SEMA5A: variants seen among roughly 807,000 people sequenced by gnomAD.
The protein encoded by SEMA5A is semaphorin 5A, also known as semaphorin-5A.
A neutral mutation model predicts 135.5 loss-of-function variants in SEMA5A; 55 were observed. The ratio of observed to expected loss-of-function variants is 0.41; its 90% confidence interval spans 0.33 to 0.51. SEMA5A has a LOEUF of 0.51. Among genes scored for constraint, SEMA5A ranks in the 20% least tolerant of loss-of-function variants. The pLI is 0.37. For synonymous variants in SEMA5A, 580 were observed against 546.5 expected (o/e 1.06, Z -0.85); for missense variants, 1,290 against 1,419.9 (o/e 0.91, Z 1.47).
chr5:9,380,928 A>G (rs1755573362), intron 2 of SEMA5A, among the ~76,000 whole-genome samples: 1 of 151,546 alleles, frequency 6.6e-6, no homozygotes, highest in African/African-American at 2.4e-5. Flanking sequence ...TTCTGGAAGG[A>G]CGTTCCGTCC....
chr5:9,079,896 A>G (rs1738277573), intron 16 of SEMA5A, among the ~76,000 whole-genome samples: 1 of 152,188 alleles, frequency 6.6e-6, no homozygotes, highest in South Asian at 2.1e-4. Context: ...GTCAGGAAAC[A>G]ACAGATGCTA....
At chr5:9,506,865 A>G (rs1172440975) in intron 1 of SEMA5A, among the ~76,000 whole-genome samples, 4 of 152,154 alleles carry the variant, frequency 2.6e-5, no homozygotes, top group Non-Finnish European at 5.9e-5. Flanking sequence ...TGTGTTTCCT[A>G]CAGGGAGCTC....
intron 1 of SEMA5A, among the ~76,000 whole-genome samples, chr5:9,449,883 T>A (rs572714477): frequency 6.6e-6 from 1 of 152,322 alleles, no homozygotes; most frequent in African/African-American, 2.4e-5. Flanking sequence ...GCTCTAGGCC[T>A]ACCTTGATCC....
At position 9,361,125 on chromosome 5, in the gene SEMA5A, G is replaced by A. The variant is rs372537738; in HGVS notation, c.124+18698C>T. Among the ~76,000 whole-genome samples the A allele has an allele frequency of 1.3e-4, 20 of 151,940 alleles. No homozygotes were observed. In the East Asian group the frequency reaches 1.6e-3, roughly 12 times the overall value. ...ACCAGCCTGGCCAACATGGTAAAACGCTGTCTCTACTAAAAATACGAAAAT... is the reference window on the plus strand; with the variant it reads ...ACCAGCCTGGCCAACATGGTAAAACACTGTCTCTACTAAAAATACGAAAAT... On this transcript the variant is annotated intron_variant, in intron 3 of 22. Transcript: ENST00000382496.
At position 9,487,146 on chromosome 5, in the gene SEMA5A, T is replaced by C. The variant is rs999439699; in HGVS notation, c.-174-49294A>G. Reference sequence around the variant, plus strand: ...GTAAGTACAAGAACCAATAAAACTTTCATTTAAGCCTAAGTAACTGTTAAT... The same window carrying C: ...GTAAGTACAAGAACCAATAAAACTTCCATTTAAGCCTAAGTAACTGTTAAT... On this transcript the variant is annotated intron_variant, in intron 1 of 22. Coordinates refer to ENST00000382496, the MANE Select transcript of SEMA5A (RefSeq NM_003966.3). 5.9e-5 allele frequency among the ~76,000 whole-genome samples: 9 copies of C among 152,172 alleles called. No homozygotes were observed. In the East Asian group the frequency reaches 1.7e-3, roughly 29 times the overall value.
At chr5:9,400,073 C>T (rs543800806) in intron 2 of SEMA5A, among the ~76,000 whole-genome samples, 2 of 152,176 alleles carry the variant, frequency 1.3e-5, no homozygotes, top group Admixed American at 1.3e-4. Context: ...AAACCAAACA[C>T]CACATGTTCT....
At chr5:9,073,561 G>A (rs1238326912) in intron 16 of SEMA5A, among the ~76,000 whole-genome samples, 1 of 152,070 alleles carries the variant, frequency 6.6e-6, no homozygotes, top group Non-Finnish European at 1.5e-5. Context: ...AAGGATGTCT[G>A]TCCTTATCAC....
At chr5:9,181,853 G>A (rs1744530997) in intron 11 of SEMA5A, among the ~76,000 whole-genome samples, 1 of 151,994 alleles carries the variant, frequency 6.6e-6, no homozygotes, top group Non-Finnish European at 1.5e-5. Flanking sequence ...TCAATCTGCT[G>A]TCTCCCCCAA....
intron 13 of SEMA5A, among the ~76,000 whole-genome samples, chr5:9,131,046 A>AC (rs1300723777): frequency 1.3e-5 from 2 of 151,878 alleles, no homozygotes; most frequent in Non-Finnish European, 2.9e-5. Flanking sequence ...TTATTAGGAG[A>AC]CCCCCTAGGT....
chr5:9,053,165 A>C (rs1736686803), intron 19 of SEMA5A, among the ~76,000 whole-genome samples: 1 of 152,204 alleles, frequency 6.6e-6, no homozygotes, highest in African/African-American at 2.4e-5. Context: ...TCATTCCTTC[A>C]TGTCAGTAAA....
rs1218554013 is a variant in SEMA5A at position 9,119,137 on chromosome 5, C to T, written c.1786G>A (p.Gly596Arg). ...CACGAGGTCCAGGGAGTCCAGCCTC[C>T]GTTCCTGAGGGAAGGGAAGCAATGC... is the stretch of plus-strand genomic sequence containing the variant. ...GMEIANCSRN[G>R]GWTPWTSWSP... is the part of the protein sequence containing the mutation. The change falls in exon 15 of 23, where the codon GGA (glycine) becomes AGA (arginine). Residue 596 changes from glycine to arginine, a missense_variant. By Grantham distance (125) the Gly-to-Arg change is moderately radical. Transcript: ENST00000382496. 2 of 1,613,312 alleles carry T rather than the reference C, an allele frequency of 1.2e-6. No individual in the cohort carries two copies. Among genetic ancestry groups the T allele is most frequent in the Admixed American group, 1.7e-5 (1 of 59,922 alleles).
At chr5:9,491,314 T>A (rs1308212808) in intron 1 of SEMA5A, among the ~76,000 whole-genome samples, 1 of 152,094 alleles carries the variant, frequency 6.6e-6, no homozygotes, top group Non-Finnish European at 1.5e-5. Flanking sequence ...GTTCTATTGG[T>A]GGATGCATGT....
At chr5:9,071,615 TC>T (rs1434561369) in intron 16 of SEMA5A, among the ~76,000 whole-genome samples, 1 of 152,126 alleles carries the variant, frequency 6.6e-6, no homozygotes, top group African/African-American at 2.4e-5. Flanking sequence ...TGTTTATTTT[TC>T]CCTTGAGAAA....
chr5:9,199,324 T>C (rs1745579550), intron 9 of SEMA5A, among the ~76,000 whole-genome samples: 1 of 152,110 alleles, frequency 6.6e-6, no homozygotes, highest in African/African-American at 2.4e-5. Flanking sequence ...ACAATTGGTA[T>C]AGTATAGCCC....
intron 2 of SEMA5A, among the ~76,000 whole-genome samples, chr5:9,386,821 T>C (rs1190941880): frequency 6.6e-6 from 1 of 152,212 alleles, no homozygotes; most frequent in Non-Finnish European, 1.5e-5. Context: ...ACATGCTGAA[T>C]TGGCTGCCTG....
intron 18 of SEMA5A, 122 bp downstream of exon 18, chr5:9,062,765 C>G (rs141249620): frequency 2.0e-6 from 2 of 1,009,528 alleles, no homozygotes; most frequent in African/African-American, 3.2e-5. Context: ...ATAGCCAAGA[C>G]ATTTATTAAG....
chr5:9,107,121 G>A (rs1279951023), intron 16 of SEMA5A, among the ~76,000 whole-genome samples: 1 of 152,224 alleles, frequency 6.6e-6, no homozygotes, highest in Non-Finnish European at 1.5e-5. Context: ...AGGCCAACTG[G>A]AAAGATCAGT....
intron 18 of SEMA5A, 108 bp from the exon 19 acceptor site, chr5:9,054,365 T>C: frequency 7.2e-7 from 1 of 1,386,944 alleles, no homozygotes; most frequent in East Asian, 2.5e-5. Flanking sequence ...GGAAACAAAA[T>C]GGAATCTGCA....
intron 5 of SEMA5A, among the ~76,000 whole-genome samples, chr5:9,311,970 A>G (rs1752157408): frequency 6.6e-6 from 1 of 152,138 alleles, no homozygotes; most frequent in Non-Finnish European, 1.5e-5. Flanking sequence ...TTAGAAACAA[A>G]ACAATATAAA....
Sources: allele counts gnomAD v4.1 joint callset (sites outside exome capture counted in the v4.1 genomes callset), GRCh38; gene constraint gnomAD v4.1.1; transcripts MANE v1.5; gene names NCBI Gene and HGNC (gene_info 2026-07-23, HGNC 2026-07-21).